The following TECTB variants were observed in gnomAD, a reference collection of about 807,000 sequenced individuals.
TECTB encodes the protein tectorin beta, also known as beta-tectorin.
TECTB carries 45 observed loss-of-function variants against 43.3 expected under a neutral mutation model. The observed-to-expected ratio is 1.04, with a 90% CI of 0.82 to 1.33. The LOEUF is 1.33. Ranked by LOEUF, TECTB falls within the 40% of genes most tolerant of loss-of-function variation. The pLI is 0.00. For synonymous variants in TECTB, 169 were observed against 156.7 expected (o/e 1.08, Z -0.59); for missense variants, 399 against 404.7 (o/e 0.99, Z 0.12).
In TECTB at chr10:112,283,814, T is replaced by G. The variant is rs150279135; in HGVS notation, c.76+4T>G. ...TCGTGTGCTCCAAATAAAGCAGGTA[T>G]GTCCTCGCCAAGTCCATTTTCCTGG... is the stretch of plus-strand genomic sequence containing the variant. On this transcript the variant is annotated splice_donor_region_variant and intron_variant, in intron 2 of 10. Transcript: ENST00000646139. 138 of 1,613,444 alleles carry G rather than the reference T, an allele frequency of 8.6e-5. No individual in the cohort carries two copies. Among genetic ancestry groups the G allele is most frequent in the Admixed American group, 6.2e-4 (37 of 59,904 alleles).
At chr10:112,292,433 A>G (rs1353200991) in intron 5 of TECTB, among the ~76,000 whole-genome samples, 1 of 151,608 alleles carries the variant, frequency 6.6e-6, no homozygotes, top group Non-Finnish European at 1.5e-5. Flanking sequence ...TTAGTTTTTG[A>G]GGTTTTTTGT....
Position 112,303,432 on chromosome 10 carries a change from G to A in TECTB, c.*120G>A. 1 of 1,274,122 alleles carries A rather than the reference G, an allele frequency of 7.8e-7. No homozygotes were observed. 78.9% of individuals were successfully genotyped at this position (1,274,122 alleles called of 1,614,324 possible). A position where few individuals can be genotyped will look rare whatever the true frequency, so the allele number is the denominator to read the frequency against. ...CCACATTGTTGGGGGGCAGAGAATA[G>A]CACTTTGCCAAATATGCACTCCAAT... is the stretch of plus-strand genomic sequence containing the variant. On this transcript the variant is annotated 3_prime_UTR_variant, in exon 11 of 11. Transcript: ENST00000646139.
chr10:112,290,426 G>A (rs1480314887), intron 5 of TECTB, among the ~76,000 whole-genome samples: 1 of 152,174 alleles, frequency 6.6e-6, no homozygotes, highest in East Asian at 1.9e-4. Flanking sequence ...CTGAGCTGTT[G>A]GGTGAGAATA....
intron 3 of TECTB, among the ~76,000 whole-genome samples, chr10:112,285,076 T>C (rs1471658888): frequency 1.3e-5 from 2 of 152,188 alleles, no homozygotes; most frequent in African/African-American, 4.8e-5. Context: ...ATTCTCTGCC[T>C]GAGACTTCAA....
intron 9 of TECTB, among the ~76,000 whole-genome samples, chr10:112,300,960 G>A (rs767449474): frequency 3.8e-4 from 58 of 152,244 alleles, no homozygotes; most frequent in Non-Finnish European, 7.6e-4. Flanking sequence ...GTGGGAAGGC[G>A]GGAAGCTGTA....
Position 112,298,179 on chromosome 10 carries a change from G to A in TECTB, c.782G>A (p.Trp261Ter), listed in dbSNP as rs757453982. 6.2e-7 allele frequency: 1 copy of A among 1,614,208 alleles called. No individual in the cohort carries two copies. Among genetic ancestry groups the A allele is most frequent in the Non-Finnish European group, 8.5e-7 (1 of 1,180,026 alleles). ...AACATCCCCAAACTCTCCAAGGTGT[G>A]GTTACACTGTGAGACGTTCATCTGC... is the stretch of plus-strand genomic sequence containing the variant. Reference protein sequence around the residue: ...FQNIPKLSKVWLHCETFICDS... With the variant: ...FQNIPKLSKV The change falls in exon 8 of 11, where the codon TGG becomes TAG. Residue 261 changes from tryptophan (W) to a stop codon, truncating the protein, a stop_gained. Coordinates refer to ENST00000646139, the MANE Select transcript of TECTB (RefSeq NM_058222.3). LOFTEE classifies it high-confidence loss of function.
chr10:112,293,858 C>A lies in TECTB; in HGVS notation c.587+17C>A, dbSNP rs1325149223. 1.9e-6 allele frequency: 3 copies of A among 1,611,894 alleles called. No homozygotes were observed. The Admixed American group carries it at 5.0e-5, about 27-fold the overall frequency. On this transcript the variant is annotated intron_variant, in intron 6 of 10. Transcript: ENST00000646139. ...AAGCATTAGGTAAGTACATTTCCTC[C>A]AAGTTTATATGTTTAAATGCAAAGA...
chr10:112,294,867 G>A (rs909510661), intron 7 of TECTB, among the ~76,000 whole-genome samples: 15 of 152,234 alleles, frequency 9.9e-5, no homozygotes, highest in Non-Finnish European at 1.6e-4. Context: ...GGAAAGGACA[G>A]CGCAAGAAAT....
intron 5 of TECTB, among the ~76,000 whole-genome samples, chr10:112,293,024 C>T (rs1298345521): frequency 6.6e-6 from 1 of 152,210 alleles, no homozygotes; most frequent in Non-Finnish European, 1.5e-5. Context: ...CCTGCCCTTC[C>T]TCACACTCCT....
chr10:112,286,267 C>T (rs1848453784), intron 4 of TECTB, 52 bp from the exon 5 acceptor site: 6 of 1,613,352 alleles, frequency 3.7e-6, no homozygotes, highest in Non-Finnish European at 4.2e-6. Flanking sequence ...TACTGCAGGT[C>T]CTATCAATCA....
intron 9 of TECTB, among the ~76,000 whole-genome samples, chr10:112,300,623 T>C (rs1848603295): frequency 6.6e-6 from 1 of 152,146 alleles, no homozygotes; most frequent in African/African-American, 2.4e-5. Flanking sequence ...AAATCCAAAA[T>C]CCGAATGCTC....
At chr10:112,288,053 T>C (rs540027241) in intron 5 of TECTB, among the ~76,000 whole-genome samples, 1 of 152,312 alleles carries the variant, frequency 6.6e-6, no homozygotes, top group South Asian at 2.1e-4. Context: ...CAGTCAGTGA[T>C]GAAAGCCGTC....
In TECTB at chr10:112,294,000, T is replaced by C; in HGVS notation, c.610T>C (p.Cys204Arg). ...SIRFKVVLNS[C>R]WATPSADFMY... ...CAGGTTTAAAGTGGTCTTGAACAGC[T>C]GTTGGGCCACCCCCTCGGCTGACTT... is the stretch of plus-strand genomic sequence containing the variant. The change falls in exon 7 of 11, where the codon TGT becomes CGT. Residue 204 changes from cysteine to arginine, a missense_variant. Physicochemically the swap from Cys to Arg is radical, Grantham distance 180. Coordinates refer to ENST00000646139, the MANE Select transcript of TECTB (RefSeq NM_058222.3). The C allele has an allele frequency of 6.2e-7, 1 of 1,614,236 alleles. No individual in the cohort carries two copies. The highest frequency in any genetic ancestry group is 8.5e-7 in the Non-Finnish European group (1 of 1,180,038).
chr10:112,294,991 T>C (rs975596440), intron 7 of TECTB, among the ~76,000 whole-genome samples: 1 of 152,182 alleles, frequency 6.6e-6, no homozygotes, highest in Non-Finnish European at 1.5e-5. Flanking sequence ...TAAGGAAATA[T>C]GGATTCTCGC....
intron 5 of TECTB, among the ~76,000 whole-genome samples, chr10:112,289,496 C>T (rs1848480805): frequency 6.6e-6 from 1 of 152,204 alleles, no homozygotes; most frequent in South Asian, 2.1e-4. Flanking sequence ...CTTCCAAAGA[C>T]AATGATATTT....
At position 112,288,777 on chromosome 10, in the gene TECTB, C is replaced by A. The variant is rs74717454; in HGVS notation, c.483+2386C>A. 2.5e-4 allele frequency among the ~76,000 whole-genome samples: 38 copies of A among 152,322 alleles called. No individual in the cohort carries two copies. The East Asian group carries it at 6.7e-3, about 27-fold the overall frequency. ...CTTCAAATGCTGGGCTCTAAAAGCA[C>A]CAGTTCTACTCAGCAGGCTTCCTCT... On this transcript the variant is annotated intron_variant, in intron 5 of 10. Transcript: ENST00000646139.
At chr10:112,283,943 C>T (rs1848433687) in intron 2 of TECTB, 133 bp downstream of exon 2, 3 of 932,806 alleles carry the variant, frequency 3.2e-6, no homozygotes, top group South Asian at 3.5e-5. Flanking sequence ...TACTTAAGCA[C>T]CCCCTCCAAT....
chr10:112,302,187 G>A, intron 10 of TECTB, 54 bp downstream of exon 10: 1 of 1,594,926 alleles, frequency 6.3e-7, no homozygotes. Flanking sequence ...TTAAAAGGCA[G>A]AGAGTGTTTT....
chr10:112,291,902 C>T (rs1285813247), intron 5 of TECTB, among the ~76,000 whole-genome samples: 3 of 152,018 alleles, frequency 2.0e-5, no homozygotes, highest in African/African-American at 7.3e-5. Context: ...TTTGGGAGGC[C>T]GAGGCGGGCA....
Sources: allele counts gnomAD v4.1 joint callset (sites outside exome capture counted in the v4.1 genomes callset), GRCh38; gene constraint gnomAD v4.1.1; transcripts MANE v1.5; gene names NCBI Gene and HGNC (gene_info 2026-07-23, HGNC 2026-07-21).